MYO5B: variants seen among roughly 807,000 people sequenced by gnomAD.
MYO5B encodes the protein myosin VB, also known as unconventional myosin-Vb.
Under a neutral mutation model 229.3 loss-of-function variants are expected in MYO5B, and 143 were observed. The observed-to-expected ratio is 0.62, with a 90% CI of 0.54 to 0.72. MYO5B has a LOEUF of 0.72. Ranked by LOEUF, MYO5B falls within the 30% of genes least tolerant of loss-of-function variation. The pLI is 0.00. For missense variants in MYO5B, 2,321 were observed against 2,331.0 expected, an observed-to-expected ratio of 1.00 and a Z score of 0.09; for synonymous variants, 918 against 885.2, an observed-to-expected ratio of 1.04 and a Z score of -0.66.
At chr18:50,129,807 T>TGG (rs1361958670) in intron 1 of MYO5B, among the ~76,000 whole-genome samples, 3 of 152,160 alleles carry the variant, frequency 2.0e-5, no homozygotes, top group Non-Finnish European at 2.9e-5. Flanking sequence ...AACCAAATCA[T>TGG]GGGACTAGTA....
intron 34 of MYO5B, among the ~76,000 whole-genome samples, chr18:49,842,521 A>G (rs903596553): frequency 1.3e-5 from 2 of 152,246 alleles, no homozygotes; most frequent in Non-Finnish European, 2.9e-5. Context: ...TCTAAGAGCA[A>G]TAATACTCGG....
chr18:50,113,211 C>G (rs1188343757), intron 1 of MYO5B, among the ~76,000 whole-genome samples: 1 of 152,036 alleles, frequency 6.6e-6, no homozygotes, highest in Non-Finnish European at 1.5e-5. Context: ...GTTCTAAGTA[C>G]CGGGCATAAA....
At chr18:50,079,528 G>A (rs1397772798) in intron 1 of MYO5B, among the ~76,000 whole-genome samples, 2 of 152,170 alleles carry the variant, frequency 1.3e-5, no homozygotes, top group Non-Finnish European at 2.9e-5. Context: ...CCTTGAGGCA[G>A]AGCCCTTCCC....
intron 9 of MYO5B, 63 bp downstream of exon 9, chr18:49,980,381 A>G: frequency 8.8e-7 from 1 of 1,142,216 alleles, no homozygotes; most frequent in Non-Finnish European, 1.3e-6. Context: ...GACACATTTC[A>G]GTCATATCAA....
intron 8 of MYO5B, among the ~76,000 whole-genome samples, chr18:49,983,369 C>T (rs1333243382): frequency 1.3e-5 from 2 of 152,222 alleles, no homozygotes; most frequent in Non-Finnish European, 2.9e-5. Context: ...AGACCTGTCT[C>T]CCCATCAGCA....
chr18:50,174,064 C>T (rs999841183), intron 1 of MYO5B, among the ~76,000 whole-genome samples: 3 of 152,074 alleles, frequency 2.0e-5, no homozygotes, highest in Admixed American at 6.6e-5. Flanking sequence ...TAGAACAAAA[C>T]GACAGAAGGA....
intron 1 of MYO5B, among the ~76,000 whole-genome samples, chr18:50,187,266 G>GCA (rs1461825969): frequency 6.6e-6 from 1 of 152,106 alleles, no homozygotes; most frequent in Non-Finnish European, 1.5e-5. Context: ...AGTACACCTA[G>GCA]CAACCAGATC....
At chr18:49,837,859 GGAC>G in intron 36 of MYO5B, 57 bp from the exon 37 acceptor site, 1 of 1,592,618 alleles carries the variant, frequency 6.3e-7, no homozygotes, top group Non-Finnish European at 8.6e-7. Context: ...TGCAAAGATT[GGAC>G]CACTCAAATC....
intron 21 of MYO5B, among the ~76,000 whole-genome samples, chr18:49,897,188 C>T (rs921373891): frequency 2.6e-5 from 4 of 152,142 alleles, no homozygotes; most frequent in Admixed American, 6.5e-5. Context: ...GAAGGACAGG[C>T]CCCAGAAGGC....
At chr18:49,839,792 C>T (rs942622483) in intron 35 of MYO5B, 5 of 203,406 alleles carry the variant, frequency 2.5e-5, no homozygotes, top group Admixed American at 5.3e-5. Context: ...TCATAGCTAC[C>T]GCACTGTGTC....
intron 22 of MYO5B, among the ~76,000 whole-genome samples, chr18:49,880,882 T>C (rs1445759394): frequency 6.6e-6 from 1 of 152,200 alleles, no homozygotes; most frequent in Non-Finnish European, 1.5e-5. Context: ...ACCAGAAGGT[T>C]TGCTGAGTGC....
Position 50,024,935 on chromosome 18 carries a change from C to T in MYO5B, c.455+11915G>A, listed in dbSNP as rs1027946723. Among the ~76,000 whole-genome samples, 6 of 152,152 alleles carry T rather than the reference C, an allele frequency of 3.9e-5. No individual in the cohort carries two copies. The South Asian group carries it at 8.3e-4, about 21-fold the overall frequency. ...CATTATCATACTAAAACTGTCCTTA[C>T]GAACTGTATAAAATTAATCAGGGAA... is the stretch of plus-strand genomic sequence containing the variant. On this transcript the variant is annotated intron_variant, in intron 4 of 39. Transcript: ENST00000285039.
At chr18:50,068,414 G>A (rs926183175) in intron 1 of MYO5B, among the ~76,000 whole-genome samples, 1 of 152,298 alleles carries the variant, frequency 6.6e-6, no homozygotes, top group East Asian at 1.9e-4. Flanking sequence ...AGTGGCCCCT[G>A]CCATTGCCCT....
At chr18:49,991,162 G>A (rs1330082423) in intron 6 of MYO5B, among the ~76,000 whole-genome samples, 1 of 152,218 alleles carries the variant, frequency 6.6e-6, no homozygotes, top group African/African-American at 2.4e-5. Context: ...CTGCTTCCCT[G>A]GCTGTGGTGT....
intron 9 of MYO5B, among the ~76,000 whole-genome samples, chr18:49,979,705 T>A (rs2025793804): frequency 6.6e-6 from 1 of 152,232 alleles, no homozygotes; most frequent in South Asian, 2.1e-4. Flanking sequence ...CCCCAGAACC[T>A]GGCCATAAAT....
At chr18:50,157,458 C>T (rs1181153497) in intron 1 of MYO5B, among the ~76,000 whole-genome samples, 1 of 152,198 alleles carries the variant, frequency 6.6e-6, no homozygotes. Context: ...CTCTCAAACG[C>T]TCCCCTATAA....
intron 1 of MYO5B, among the ~76,000 whole-genome samples, chr18:50,059,051 C>T (rs902461701): frequency 2.6e-5 from 4 of 152,142 alleles, no homozygotes; most frequent in African/African-American, 9.7e-5. Flanking sequence ...ATTATCTTTC[C>T]TTCTGGTTTT....
rs770313687 is a variant in MYO5B at position 49,864,222 on chromosome 18, G to A, written c.3762C>T (p.Leu1254=). The change falls in exon 28 of 40, where the codon CTC becomes CTT. Residue 1254 remains leucine (L), a synonymous_variant. Coordinates refer to ENST00000285039, the MANE Select transcript of MYO5B (RefSeq NM_001080467.3). ...LNQLKLAHEE[L]EVRKEEVLIL... Reference sequence around the variant, plus strand: ...TGAGCACCTCCTCCTTGCGCACCTCGAGCTCCTCGTGGGCCAGCTTGAGCT... The same window carrying A: ...TGAGCACCTCCTCCTTGCGCACCTCAAGCTCCTCGTGGGCCAGCTTGAGCT... 2 of 1,613,928 alleles carry A rather than the reference G, an allele frequency of 1.2e-6. No individual in the cohort carries two copies. The highest frequency in any genetic ancestry group is 1.1e-5 in the South Asian group (1 of 91,086).
At chr18:50,141,882 G>A (rs527614226) in intron 1 of MYO5B, among the ~76,000 whole-genome samples, 1 of 152,126 alleles carries the variant, frequency 6.6e-6, no homozygotes, top group Admixed American at 6.5e-5. Flanking sequence ...CTCTCTAAAG[G>A]GGGTAAAGAC....
Sources: allele counts gnomAD v4.1 joint callset (sites outside exome capture counted in the v4.1 genomes callset), GRCh38; gene constraint gnomAD v4.1.1; transcripts MANE v1.5; gene names NCBI Gene and HGNC (gene_info 2026-07-23, HGNC 2026-07-21).